DYSF: variants seen among roughly 807,000 people sequenced by gnomAD.
The protein encoded by DYSF is dystrophy-associated fer-1-like 1.
DYSF carries 212 observed loss-of-function variants against 274.9 expected under a neutral mutation model. The observed-to-expected ratio is 0.77, with a 90% CI of 0.69 to 0.86. The LOEUF is 0.86. Among genes scored for constraint, DYSF ranks in the 40% least tolerant of loss-of-function variants. The pLI is 0.00. For synonymous variants in DYSF, 1,091 were observed against 1,078.7 expected (o/e 1.01, Z -0.22); for missense variants, 2,666 against 2,783.2 (o/e 0.96, Z 0.95).
chr2:71,589,631 CG>C lies in DYSF; in HGVS notation c.3442del (p.Val1148SerfsTer4). ...ATGACAAGAGTGAAGATTCCATGTCCGTCTCCACCTTGAGCTTCGGTGTGAA... is the reference window on the plus strand; with the variant it reads ...ATGACAAGAGTGAAGATTCCATGTCCTCTCCACCTTGAGCTTCGGTGTGAA... The part of the protein sequence containing the change: ...MDDKSEDSMS[V>X]STLSFGVNRP... On this transcript the variant is annotated frameshift_variant, in exon 31 of 56. Transcript: ENST00000410020. LOFTEE classifies it high-confidence loss of function. 1 of 1,614,088 alleles carries C rather than the reference CG, an allele frequency of 6.2e-7. No individual in the cohort carries two copies. Among genetic ancestry groups the C allele is most frequent in the Non-Finnish European group, 8.5e-7 (1 of 1,180,000 alleles).
Position 71,569,942 on chromosome 2 carries a change from A to C in DYSF, c.2979+8A>C, listed in dbSNP as rs774607428. The C allele has an allele frequency of 2.5e-6, 4 of 1,612,238 alleles. No individual in the cohort carries two copies. Among genetic ancestry groups the C allele is most frequent in the Non-Finnish European group, 3.4e-6 (4 of 1,178,660 alleles). On this transcript the variant is annotated splice_region_variant and intron_variant, in intron 27 of 55. Coordinates refer to ENST00000410020, the MANE Select transcript of DYSF (RefSeq NM_001130987.2). Reference sequence around the variant, plus strand: ...GACAACTACACCGATGTGGTAAAGCAGGCACTCAGGGGCAGGTGGGGTCTA... The same window carrying C: ...GACAACTACACCGATGTGGTAAAGCCGGCACTCAGGGGCAGGTGGGGTCTA...
At chr2:71,570,868 CACTG>C in intron 29 of DYSF, 127 bp downstream of exon 29, 1 of 1,391,010 alleles carries the variant, frequency 7.2e-7, no homozygotes, top group Non-Finnish European at 9.8e-7. Context: ...ACCTGGGACT[CACTG>C]GAGGTGCTCA....
intron 14 of DYSF, among the ~76,000 whole-genome samples, chr2:71,534,173 C>T (rs562045384): frequency 6.6e-6 from 1 of 152,204 alleles, no homozygotes; most frequent in African/African-American, 2.4e-5. Context: ...GTCAGATGCT[C>T]ATTAAATGAG....
At position 71,568,166 on chromosome 2, in the gene DYSF, C is replaced by G. The variant is rs1421130483; in HGVS notation, c.2698-6C>G. ...TGCTCACGCCTCATTCTTCCTGGCC[C>G]TCCAGTATGAGAACGAGACTAAGTT... On this transcript the variant is annotated splice_region_variant and splice_polypyrimidine_tract_variant and intron_variant, in intron 25 of 55. Transcript: ENST00000410020. 1 of 1,614,228 alleles carries G rather than the reference C, an allele frequency of 6.2e-7. No individual in the cohort carries two copies.
chr2:71,473,646 C>A (rs2082191420), intron 1 of DYSF, among the ~76,000 whole-genome samples: 1 of 152,210 alleles, frequency 6.6e-6, no homozygotes, highest in South Asian at 2.1e-4. Flanking sequence ...ATTCGCCAAG[C>A]CGATACTGGC....
At chr2:71,662,688 G>A (rs533177404) in intron 45 of DYSF, among the ~76,000 whole-genome samples, 1 of 151,136 alleles carries the variant, frequency 6.6e-6, no homozygotes, top group East Asian at 2.0e-4. Flanking sequence ...TGTGTGTGGT[G>A]TGTGTATATG....
intron 17 of DYSF, among the ~76,000 whole-genome samples, chr2:71,543,573 T>C (rs866724392): frequency 2.6e-5 from 4 of 152,124 alleles, no homozygotes; most frequent in African/African-American, 7.2e-5. Context: ...CTGGGCAACA[T>C]TGAGCACTGA....
At chr2:71,564,938 T>A (rs1026528728) in intron 24 of DYSF, among the ~76,000 whole-genome samples, 1 of 152,182 alleles carries the variant, frequency 6.6e-6, no homozygotes, top group Non-Finnish European at 1.5e-5. Flanking sequence ...GTGGTCATGG[T>A]GTGGCCTGGC....
intron 22 of DYSF, among the ~76,000 whole-genome samples, chr2:71,558,884 G>GCACCTCAGCTAGAGGGCTTCCTC (rs1390629519): frequency 2.0e-5 from 3 of 152,154 alleles, no homozygotes; most frequent in African/African-American, 7.2e-5. Context: ...GAGTGGCCCA[G>GCACCTCAGCTAGAGGGCTTCCTC]CACCTCAGCT....
intron 44 of DYSF, 29 bp downstream of exon 44, chr2:71,659,062 C>G (rs761970355): frequency 6.2e-6 from 10 of 1,613,982 alleles, no homozygotes; most frequent in South Asian, 2.2e-5. Flanking sequence ...TCACCTCCCC[C>G]AGAGTAGCAG....
At position 71,600,883 on chromosome 2, in the gene DYSF, G is replaced by A. The variant is rs747116285; in HGVS notation, c.3897+41G>A. The A allele has an allele frequency of 1.3e-5, 21 of 1,602,370 alleles. No homozygotes were observed. In the South Asian group the frequency reaches 1.8e-4, roughly 13 times the overall value. ...ATCCAGATCCAGGAGGCCCAGGCAGGAGTGGGGTGGGGGCCAACCCTCTGT... is the reference window on the plus strand; with the variant it reads ...ATCCAGATCCAGGAGGCCCAGGCAGAAGTGGGGTGGGGGCCAACCCTCTGT... On this transcript the variant is annotated intron_variant, in intron 34 of 55. Coordinates refer to ENST00000410020, the MANE Select transcript of DYSF (RefSeq NM_001130987.2).
rs1192972103 is a variant in DYSF at position 71,528,337 on chromosome 2, G to A, written c.1316G>A (p.Gly439Asp). 3 of 1,614,198 alleles carry A rather than the reference G, an allele frequency of 1.9e-6. No homozygotes were observed. The highest frequency in any genetic ancestry group is 8.5e-7 in the Non-Finnish European group (1 of 1,180,030). Residue 439 changes from glycine to aspartate, a missense_variant, in exon 14 of 56, where the codon GGC (glycine) becomes GAC (aspartate). Gly to Asp is a moderately conservative substitution (Grantham distance 94). Coordinates refer to ENST00000410020, the MANE Select transcript of DYSF (RefSeq NM_001130987.2). Reference sequence around the variant, plus strand: ...ATGGACAACGTGAAACAGATCTTTGGCTTCGAGAGTAACAAGAAGAACTTG... The same window carrying A: ...ATGGACAACGTGAAACAGATCTTTGACTTCGAGAGTAACAAGAAGAACTTG... ...AVMDNVKQIF[G>D]FESNKKNLVD...
intron 4 of DYSF, among the ~76,000 whole-genome samples, chr2:71,506,610 A>G (rs1002120211): frequency 5.9e-5 from 9 of 151,950 alleles, no homozygotes; most frequent in African/African-American, 2.2e-4. Flanking sequence ...CAGGGCTCAC[A>G]TATATCCCCC....
intron 3 of DYSF, among the ~76,000 whole-genome samples, chr2:71,490,230 C>T (rs139702153): frequency 6.6e-6 from 1 of 152,186 alleles, no homozygotes; most frequent in African/African-American, 2.4e-5. Context: ...TATAAAAGTG[C>T]ATTTCATTCT....
intron 1 of DYSF, among the ~76,000 whole-genome samples, chr2:71,472,834 C>T (rs2082133140): frequency 6.6e-6 from 1 of 152,218 alleles, no homozygotes; most frequent in East Asian, 1.9e-4. Flanking sequence ...TCATTAGTTG[C>T]AAGTGCTCTT....
intron 26 of DYSF, 23 bp from the exon 27 acceptor site, chr2:71,569,797 C>T (rs754993830): frequency 1.2e-6 from 2 of 1,604,186 alleles, no homozygotes; most frequent in Non-Finnish European, 1.7e-6. Flanking sequence ...GCAGCAGAGA[C>T]TCTGACCAGC....
intron 41 of DYSF, among the ~76,000 whole-genome samples, chr2:71,622,126 C>CTTTTTTTTTTTTTTTTTTTT (rs1558651607): frequency 2.6e-5 from 1 of 38,744 alleles, no homozygotes; most frequent in African/African-American, 6.1e-5. Context: ...CAGATGATTT[C>CTTTTTTTTTTTTTTTTTTTT]TTTGTTTTTT....
At chr2:71,617,646 G>T (rs2093918433) in intron 40 of DYSF, among the ~76,000 whole-genome samples, 1 of 149,314 alleles carries the variant, frequency 6.7e-6, no homozygotes, top group Non-Finnish European at 1.5e-5. Flanking sequence ...GGCAGAGGTG[G>T]TGTGTGTGTG....
chr2:71,568,270 C>T lies in DYSF; in HGVS notation c.2796C>T (p.Pro932=). 1 of 1,614,226 alleles carries T rather than the reference C, an allele frequency of 6.2e-7. No homozygotes were observed. Among genetic ancestry groups the T allele is most frequent in the Non-Finnish European group, 8.5e-7 (1 of 1,180,044 alleles). The change falls in exon 26 of 56, where the codon CCC becomes CCT. Residue 932 remains proline, a synonymous_variant. Coordinates refer to ENST00000410020, the MANE Select transcript of DYSF (RefSeq NM_001130987.2). ...FSDVTGKIKL[P]KDSFRPSAGW... is the part of the protein sequence containing the mutation. ...ACGTCACGGGCAAGATCAAGCTACC[C>T]AAGGACAGCTTCCGCCCCTCGGCCG...
Sources: allele counts gnomAD v4.1 joint callset (sites outside exome capture counted in the v4.1 genomes callset), GRCh38; gene constraint gnomAD v4.1.1; transcripts MANE v1.5; gene names NCBI Gene and HGNC (gene_info 2026-07-23, HGNC 2026-07-21).